The following POLR1A variants were observed in gnomAD, a reference collection of about 807,000 sequenced individuals.
POLR1A encodes the protein RNA polymerase I subunit A, also known as DNA-directed RNA polymerase I subunit RPA1.
A neutral mutation model predicts 205.3 loss-of-function variants in POLR1A; 84 were observed. The ratio of observed to expected loss-of-function variants is 0.41; its 90% CI spans 0.34 to 0.49. The LOEUF (loss-of-function observed/expected upper bound fraction) is 0.49, where lower values mean the gene tolerates loss of function less well. Among genes scored for constraint, POLR1A ranks in the 20% least tolerant of loss-of-function variants. The pLI is 0.22. For synonymous variants in POLR1A, 799 were observed against 863.7 expected, an observed-to-expected ratio of 0.93 and a Z score of 1.31; for missense variants, 1,645 against 2,204.5, an observed-to-expected ratio of 0.75 and a Z score of 5.08.
intron 19 of POLR1A, among the ~76,000 whole-genome samples, chr2:86,046,810 CA>C (rs1672717731): frequency 6.6e-6 from 1 of 151,574 alleles, no homozygotes; most frequent in Non-Finnish European, 1.5e-5. Context: ...AGCCCGGTGA[CA>C]GAGCAAGACT....
In POLR1A at chr2:86,083,086, A is replaced by G. The variant is rs1673434510; in HGVS notation, c.813T>C (p.Asn271=). ...AREHLSALWK[N]EGFFLNYLFS... ...TTCTTTAGCCTGATACAGCACCTTCATTCTTCCACAGGGCAGAAAGGTGTT... is the reference window on the plus strand; with the variant it reads ...TTCTTTAGCCTGATACAGCACCTTCGTTCTTCCACAGGGCAGAAAGGTGTT... The change falls in exon 7 of 34, where the codon AAT becomes AAC. Residue 271 remains asparagine, a synonymous_variant. Coordinates refer to ENST00000263857, the MANE Select transcript of POLR1A (RefSeq NM_015425.6). 1.9e-6 allele frequency: 3 copies of G among 1,612,310 alleles called. No individual in the cohort carries two copies. Among genetic ancestry groups the G allele is most frequent in the Non-Finnish European group, 2.5e-6 (3 of 1,178,274 alleles).
At chr2:86,102,258 G>A (rs185102329) in intron 1 of POLR1A, among the ~76,000 whole-genome samples, 7 of 152,296 alleles carry the variant, frequency 4.6e-5, no homozygotes, top group Admixed American at 3.9e-4. Flanking sequence ...CACTAATGGT[G>A]TACAAAAAGC....
intron 14 of POLR1A, among the ~76,000 whole-genome samples, chr2:86,056,895 C>T (rs1672907525): frequency 6.6e-6 from 1 of 152,192 alleles, no homozygotes; most frequent in Non-Finnish European, 1.5e-5. Flanking sequence ...GACAATGCAT[C>T]TGGTCACCCA....
intron 3 of POLR1A, among the ~76,000 whole-genome samples, chr2:86,095,182 C>T (rs1481322487): frequency 6.6e-6 from 1 of 152,228 alleles, no homozygotes; most frequent in African/African-American, 2.4e-5. Flanking sequence ...CATACTAGGC[C>T]ATGTCTCTTT....
rs1553436021 is a variant in POLR1A at position 86,068,386 on chromosome 2, C to CGA, written c.1866+1631_1866+1632insTC. 2.5e-4 allele frequency among the ~76,000 whole-genome samples: 3 copies of CGA among 12,224 alleles called. 1 individual carries two copies. 8.0% of individuals were successfully genotyped at this position (12,224 alleles called of 152,430 possible). A position where few individuals can be genotyped will look rare whatever the true frequency, so the allele number is the denominator to read the frequency against. On this transcript the variant is annotated intron_variant, in intron 13 of 33. Transcript: ENST00000263857. The stretch of plus-strand genomic sequence containing the variant: ...GAACACGCACAGCCAAGCACATGGG[C>CGA]GGGGGGGGGGGGCGGGTGTCGTCCA...
intron 31 of POLR1A, among the ~76,000 whole-genome samples, chr2:86,029,166 C>A (rs770122923): frequency 1.3e-5 from 2 of 152,198 alleles, no homozygotes; most frequent in African/African-American, 4.8e-5. Context: ...TGCGGCTGAG[C>A]TGTCTTGGAG....
At chr2:86,051,609 G>A (rs914665754) in intron 16 of POLR1A, among the ~76,000 whole-genome samples, 3 of 152,174 alleles carry the variant, frequency 2.0e-5, no homozygotes, top group Middle Eastern at 3.2e-3. Flanking sequence ...CTGACACGCA[G>A]CATCTCGCGT....
intron 14 of POLR1A, among the ~76,000 whole-genome samples, chr2:86,064,362 C>T (rs1366586227): frequency 6.6e-6 from 1 of 152,146 alleles, no homozygotes; most frequent in Admixed American, 6.5e-5. Flanking sequence ...AGAAGTTGAT[C>T]CTTAAGGCTG....
At chr2:86,049,328 G>T in intron 16 of POLR1A, 86 bp from the exon 17 acceptor site, 1 of 876,816 alleles carries the variant, frequency 1.1e-6, no homozygotes, top group Non-Finnish European at 1.9e-6. Context: ...AGAGCACAGA[G>T]TCCAGTGCCA....
intron 2 of POLR1A, 21 bp downstream of exon 2, chr2:86,099,947 C>A: frequency 6.2e-7 from 1 of 1,607,042 alleles, no homozygotes. Flanking sequence ...CGGAGACCCA[C>A]ACAACTAAGG....
chr2:86,055,996 T>C (rs1327080217), intron 14 of POLR1A, among the ~76,000 whole-genome samples: 2 of 152,170 alleles, frequency 1.3e-5, no homozygotes, highest in African/African-American at 4.8e-5. Context: ...CAACCACATT[T>C]GCAGATGACA....
chr2:86,079,843 T>A (rs942342888), intron 9 of POLR1A, among the ~76,000 whole-genome samples: 1 of 152,208 alleles, frequency 6.6e-6, no homozygotes, highest in Non-Finnish European at 1.5e-5. Flanking sequence ...ATTACAGGCT[T>A]GAGCTATCAT....
At chr2:86,030,732 GTTC>G (rs1183571065) in intron 30 of POLR1A, among the ~76,000 whole-genome samples, 6 of 152,202 alleles carry the variant, frequency 3.9e-5, no homozygotes, top group Non-Finnish European at 7.3e-5. Context: ...CCCATCAGTG[GTTC>G]TTGTTATTAC....
chr2:86,064,856 C>A (rs965032362), intron 14 of POLR1A, among the ~76,000 whole-genome samples: 3 of 151,592 alleles, frequency 2.0e-5, no homozygotes, highest in Non-Finnish European at 1.5e-5. Context: ...TGGGTTCAAG[C>A]GATTCTCTTG....
At position 86,054,217 on chromosome 2, in the gene POLR1A, T is replaced by C; in HGVS notation, c.2131A>G (p.Ile711Val). ...TCCTTCACCCAGGCTTTCCCAGTGATTTTCGCCTTTCCAGATAAGTTCAGT... is the reference window on the plus strand; with the variant it reads ...TCCTTCACCCAGGCTTTCCCAGTGACTTTCGCCTTTCCAGATAAGTTCAGT... ...IPLNLSGKAK[I>V]TGKAWVKETP... Residue 711 changes from isoleucine to valine, a missense_variant, in exon 15 of 34, where the codon ATC (isoleucine) becomes GTC (valine). Around this residue, in one of 16 missense-constraint regions of POLR1A, gnomAD observed 339 missense variants for 415.1 expected, o/e 0.82. Transcript: ENST00000263857. The C allele has an allele frequency of 6.2e-7, 1 of 1,613,932 alleles. No individual in the cohort carries two copies. Among genetic ancestry groups the C allele is most frequent in the East Asian group, 2.2e-5 (1 of 44,890 alleles).
chr2:86,078,483 T>G (rs1433222424), intron 9 of POLR1A, among the ~76,000 whole-genome samples, 199 bp from the exon 10 acceptor site: 1 of 152,190 alleles, frequency 6.6e-6, no homozygotes, highest in Non-Finnish European at 1.5e-5. Flanking sequence ...TCAGCACTAT[T>G]ATATATTTAC....
intron 14 of POLR1A, among the ~76,000 whole-genome samples, chr2:86,056,320 C>T (rs1028037334): frequency 4.0e-5 from 6 of 151,516 alleles, no homozygotes; most frequent in Non-Finnish European, 8.8e-5. Flanking sequence ...GGCATGGTGG[C>T]GGGTGCCTGT....
chr2:86,062,141 T>C (rs531060586), intron 14 of POLR1A, among the ~76,000 whole-genome samples: 1 of 152,196 alleles, frequency 6.6e-6, no homozygotes, highest in Non-Finnish European at 1.5e-5. Context: ...ATCTTCTGAT[T>C]CTAAACATGG....
chr2:86,030,038 C>T (rs966051688), intron 31 of POLR1A, among the ~76,000 whole-genome samples, 158 bp downstream of exon 31: 2 of 152,226 alleles, frequency 1.3e-5, no homozygotes. Context: ...CAGACGAGGA[C>T]ACGCACACTT....
Sources: allele counts gnomAD v4.1 joint callset (sites outside exome capture counted in the v4.1 genomes callset), GRCh38; gene constraint gnomAD v4.1.1; regional missense constraint gnomAD v4.1.1; transcripts MANE v1.5; gene names NCBI Gene and HGNC (gene_info 2026-07-23, HGNC 2026-07-21).